SERPINC1: variants seen among roughly 807,000 people sequenced by gnomAD.
The protein encoded by SERPINC1 is serpin family C member 1.
Under a neutral mutation model 43.4 loss-of-function variants are expected in SERPINC1, and 12 were observed. That is an observed-to-expected ratio of 0.28 (90% CI 0.18 to 0.45). The LOEUF (loss-of-function observed/expected upper bound fraction) is 0.45. Ranked by LOEUF, SERPINC1 falls within the 20% of genes least tolerant of loss-of-function variation. SERPINC1 has a pLI of 1.00. For missense variants in SERPINC1, 423 were observed against 578.8 expected, an observed-to-expected ratio of 0.73 and a Z score of 2.76; for synonymous variants, 210 against 218.9, an observed-to-expected ratio of 0.96 and a Z score of 0.36.
chr1:173,910,028 TTAATATA>T, intron 4 of SERPINC1, 86 bp from the exon 5 acceptor site: 1 of 1,315,058 alleles, frequency 7.6e-7, no homozygotes, highest in Middle Eastern at 2.0e-4. Context: ...TAGTGTTACA[TTAATATA>T]TAATTATTCG....
At chr1:173,910,191 T>A (rs1351571977) in intron 4 of SERPINC1, among the ~76,000 whole-genome samples, 1 of 152,122 alleles carries the variant, frequency 6.6e-6, no homozygotes, top group Non-Finnish European at 1.5e-5. Context: ...CTGTGGTACA[T>A]CCAGACCAAA....
At chr1:173,910,690 A>C (rs1657733550) in intron 4 of SERPINC1, 64 bp downstream of exon 4, 6 of 1,568,374 alleles carry the variant, frequency 3.8e-6, no homozygotes, top group Non-Finnish European at 5.3e-6. Context: ...CATTTAAAAA[A>C]AAAGGGGGTA....
At position 173,917,248 on chromosome 1, in the gene SERPINC1, A is replaced by G. The variant is rs772040776; in HGVS notation, c.12T>C (p.Asn4=). The change falls in exon 1 of 7, where the codon AAT becomes AAC. Residue 4 remains asparagine (N), a synonymous_variant. Transcript: ENST00000367698. MYS[N]VIGTVTSGKR... ...TTCCAGAGGTTACAGTTCCTATCAC[A>G]TTGGAATACATGGCCGCTAATCTTC... The G allele has an allele frequency of 3.1e-6, 5 of 1,614,046 alleles. No individual in the cohort carries two copies. Among genetic ancestry groups the G allele is most frequent in the South Asian group, 1.1e-5 (1 of 91,048 alleles).
In SERPINC1 at chr1:173,910,410, T is replaced by C. The variant is rs536252975; in HGVS notation, c.762+344A>G. Among the ~76,000 whole-genome samples, 157 of 151,564 alleles carry C rather than the reference T, an allele frequency of 1.0e-3. 1 individual carries two copies. The highest frequency in any genetic ancestry group is 1.7e-3 in the South Asian group (8 of 4,766). On this transcript the variant is annotated intron_variant, in intron 4 of 6. Coordinates refer to ENST00000367698, the MANE Select transcript of SERPINC1 (RefSeq NM_000488.4). ...TGGCTAACACGGTGAAACCCCGTCT[T>C]TACTAAAAAAAAACCAAAAAATTAG...
chr1:173,909,926 T>C lies in SERPINC1; in HGVS notation c.779A>G (p.Lys260Arg). The change falls in exon 5 of 7, where the codon AAG becomes AGG. Residue 260 changes from lysine to arginine, a missense_variant. Lys to Arg is a conservative substitution (Grantham distance 26). Transcript: ENST00000367698. ...CTTCCTTGTGTTCTCAGGGCTGAAC[T>C]TTGACTTCCACAGGCCCTGGAAGAG... is the stretch of plus-strand genomic sequence containing the variant. ...TIYFKGLWKSKFSPENTRKEL... is the reference protein window; with the variant it reads ...TIYFKGLWKSRFSPENTRKEL... 6.2e-7 allele frequency: 1 copy of C among 1,614,186 alleles called. No individual in the cohort carries two copies. Among genetic ancestry groups the C allele is most frequent in the Non-Finnish European group, 8.5e-7 (1 of 1,180,036 alleles).
At chr1:173,904,657 C>T (rs1219332396) in intron 6 of SERPINC1, among the ~76,000 whole-genome samples, 1 of 152,174 alleles carries the variant, frequency 6.6e-6, no homozygotes, top group African/African-American at 2.4e-5. Context: ...CAGAATATCA[C>T]TAAAACTCTG....
intron 4 of SERPINC1, among the ~76,000 whole-genome samples, chr1:173,910,454 G>A (rs1167214127): frequency 3.3e-5 from 5 of 152,072 alleles, no homozygotes; most frequent in Admixed American, 3.3e-4. Context: ...GGTGGTGGGT[G>A]CCTGTATTCC....
intron 3 of SERPINC1, 31 bp from the exon 4 acceptor site, chr1:173,910,922 C>T: frequency 2.5e-6 from 4 of 1,613,430 alleles, no homozygotes; most frequent in Non-Finnish European, 2.5e-6. Context: ...ACCTACTCAC[C>T]TGTGCTATTC....
At chr1:173,907,341 G>T in intron 6 of SERPINC1, 109 bp downstream of exon 6, 2 of 852,776 alleles carry the variant, frequency 2.3e-6, no homozygotes, top group Non-Finnish European at 4.1e-6. Flanking sequence ...TAGCAGGCCT[G>T]TGGAGGCCTT....
Position 173,917,262 on chromosome 1 carries a change from C to A in SERPINC1, c.-3G>T. Reference sequence around the variant, plus strand: ...GTTCCTATCACATTGGAATACATGGCCGCTAATCTTCCACAGGGCTGGGCA... The same window carrying A: ...GTTCCTATCACATTGGAATACATGGACGCTAATCTTCCACAGGGCTGGGCA... On this transcript the variant is annotated 5_prime_UTR_variant, in exon 1 of 7. Coordinates refer to ENST00000367698, the MANE Select transcript of SERPINC1 (RefSeq NM_000488.4). 6.2e-7 allele frequency: 1 copy of A among 1,613,950 alleles called. No homozygotes were observed. Among genetic ancestry groups the A allele is most frequent in the Non-Finnish European group, 8.5e-7 (1 of 1,179,878 alleles).
chr1:173,907,540 T>C (rs1476368398), intron 5 of SERPINC1, 26 bp from the exon 6 acceptor site: 1 of 1,596,098 alleles, frequency 6.3e-7, no homozygotes, highest in East Asian at 2.2e-5. Flanking sequence ...GAGAAGTCTT[T>C]GTGAGATGGG....
chr1:173,910,689 A>T (rs1419650398), intron 4 of SERPINC1, 65 bp downstream of exon 4: 2 of 1,566,308 alleles, frequency 1.3e-6, no homozygotes, highest in Non-Finnish European at 1.8e-6. Flanking sequence ...CCATTTAAAA[A>T]AAAAGGGGGT....
intron 4 of SERPINC1, among the ~76,000 whole-genome samples, chr1:173,910,246 G>A (rs1203103336): frequency 2.6e-5 from 4 of 152,092 alleles, no homozygotes; most frequent in East Asian, 1.9e-4. Flanking sequence ...ACAAAGCCAC[G>A]AAAACACAAA....
Position 173,914,596 on chromosome 1 carries a change from G to C in SERPINC1, c.365C>G (p.Thr122Ser). 1 of 1,614,174 alleles carries C rather than the reference G, an allele frequency of 6.2e-7. No individual in the cohort carries two copies. Among genetic ancestry groups the C allele is most frequent in the Non-Finnish European group, 8.5e-7 (1 of 1,180,034 alleles). ...GGTGTCATTACAGGCACCCAGCTTG[G>C]TCATAGCAAAAGCCGTGGAGATACT... The part of the protein sequence containing the change: ...PLSISTAFAM[T>S]KLGACNDTLQ... Residue 122 changes from threonine (T) to serine (S), a missense_variant, in exon 2 of 7, where the codon ACC (threonine) becomes AGC (serine). Physicochemically the swap from Thr to Ser is moderately conservative, Grantham distance 58 (BLOSUM62 1). Coordinates refer to ENST00000367698, the MANE Select transcript of SERPINC1 (RefSeq NM_000488.4).
chr1:173,917,155 G>T, intron 1 of SERPINC1, 64 bp downstream of exon 1: 2 of 1,395,530 alleles, frequency 1.4e-6, no homozygotes, highest in Non-Finnish European at 2.0e-6. Flanking sequence ...GGTCATTCCT[G>T]TGAGTCCTTT....
At position 173,914,628 on chromosome 1, in the gene SERPINC1, T is replaced by C. The variant is rs2102789680; in HGVS notation, c.333A>G (p.Ser111=). ...SKNDNDNIFL[S]PLSISTAFAM... ...CAAAAGCCGTGGAGATACTCAGGGG[T>C]GACAGGAAAATGTTATCATTGTCAT... Residue 111 remains serine, a synonymous_variant, in exon 2 of 7, where the codon TCA becomes TCG. Coordinates refer to ENST00000367698, the MANE Select transcript of SERPINC1 (RefSeq NM_000488.4). The C allele has an allele frequency of 6.2e-7, 1 of 1,614,086 alleles. No individual in the cohort carries two copies. The highest frequency in any genetic ancestry group is 1.7e-5 in the Admixed American group (1 of 60,020).
In SERPINC1 at chr1:173,909,653, T is replaced by A; in HGVS notation, c.1052A>T (p.His351Leu). The A allele has an allele frequency of 1.2e-6, 2 of 1,613,868 alleles. No homozygotes were observed. The highest frequency in any genetic ancestry group is 1.7e-6 in the Non-Finnish European group (2 of 1,179,746). Reference sequence around the variant, plus strand: ...GTCCTCAATGCGGAAGCGGGGCATGTGGACCACCAGCATCATCTCCTCCAA... The same window carrying A: ...GTCCTCAATGCGGAAGCGGGGCATGAGGACCACCAGCATCATCTCCTCCAA... ...DELEEMMLVV[H>L]MPRFRIEDGF... Residue 351 changes from histidine to leucine, a missense_variant, in exon 5 of 7, where the codon CAC (histidine) becomes CTC (leucine). Transcript: ENST00000367698.
At chr1:173,913,861 A>T (rs1657875799) in intron 2 of SERPINC1, among the ~76,000 whole-genome samples, 1 of 152,068 alleles carries the variant, frequency 6.6e-6, no homozygotes, top group Admixed American at 6.5e-5. Context: ...TCTCAAAAAA[A>T]AAAAAAAAAA....
At chr1:173,909,415 C>A in intron 5 of SERPINC1, 137 bp downstream of exon 5, 2 of 893,282 alleles carry the variant, frequency 2.2e-6, no homozygotes, top group South Asian at 1.6e-5. Context: ...GAGATTTCCA[C>A]AAATTAGCAG....
Sources: allele counts gnomAD v4.1 joint callset (sites outside exome capture counted in the v4.1 genomes callset), GRCh38; gene constraint gnomAD v4.1.1; transcripts MANE v1.5; gene names NCBI Gene and HGNC (gene_info 2026-07-23, HGNC 2026-07-21).